Variants in EPHX1 observed in about 807,000 individuals in gnomAD.
The protein encoded by EPHX1 is epoxide hydratase.
In EPHX1, 40 loss-of-function variants were observed where a neutral mutation model predicts 43.2. The ratio of observed to expected loss-of-function variants is 0.93; its 90% CI spans 0.72 to 1.21. The LOEUF is 1.21. Ranked by LOEUF, EPHX1 falls within the 50% of genes most tolerant of loss-of-function variation. The pLI is 0.00. For synonymous variants in EPHX1, 221 were observed against 226.7 expected (o/e 0.98, Z 0.22); for missense variants, 550 against 570.4 (o/e 0.96, Z 0.36).
intron 2 of EPHX1, among the ~76,000 whole-genome samples, chr1:225,829,205 C>A (rs549567194): frequency 6.6e-6 from 1 of 152,254 alleles, no homozygotes; most frequent in African/African-American, 2.4e-5. Context: ...GCTGTCATCA[C>A]CTCCTCTATG....
intron 3 of EPHX1, among the ~76,000 whole-genome samples, chr1:225,832,513 C>T (rs1667669537): frequency 6.6e-6 from 1 of 152,242 alleles, no homozygotes; most frequent in Non-Finnish European, 1.5e-5. Context: ...CCAGCCTGGG[C>T]TCCATCTCAA....
intron 1 of EPHX1, among the ~76,000 whole-genome samples, chr1:225,827,484 T>C (rs142596911): frequency 1.3e-5 from 2 of 152,318 alleles, no homozygotes; most frequent in East Asian, 1.9e-4. Context: ...ATCTGCCTGA[T>C]AGTGCTTTGC....
chr1:225,833,792 C>CT (rs1345549518), intron 3 of EPHX1, among the ~76,000 whole-genome samples: 1 of 106,236 alleles, frequency 9.4e-6, no homozygotes, highest in East Asian at 2.9e-4. Flanking sequence ...GAGACTCTGT[C>CT]TTTAAAAAAA....
Position 225,828,909 on chromosome 1 carries a change from C to T in EPHX1, c.180C>T (p.Ile60=). 1 of 1,568,804 alleles carries T rather than the reference C, an allele frequency of 6.4e-7. No individual in the cohort carries two copies. Among genetic ancestry groups the T allele is most frequent in the Non-Finnish European group, 8.7e-7 (1 of 1,155,082 alleles). The change falls in exon 2 of 9, where the codon ATC becomes ATT. Residue 60 remains isoleucine (I), a synonymous_variant. Transcript: ENST00000272167. ...AGGTGGAAACGTCAGATGAGGAGAT[C>T]CACGTAAGGCACCTTGGGCCGGGCC... is the stretch of plus-strand genomic sequence containing the variant. ...PFKVETSDEE[I]HDLHQRIDKF... is the part of the protein sequence containing the mutation.
chr1:225,842,070 G>A (rs548165670), intron 6 of EPHX1, among the ~76,000 whole-genome samples: 26 of 152,374 alleles, frequency 1.7e-4, no homozygotes, highest in African/African-American at 5.5e-4. Flanking sequence ...TTCTCATTGG[G>A]ACCCCACCAA....
intron 3 of EPHX1, among the ~76,000 whole-genome samples, chr1:225,838,167 A>C (rs1301014531): frequency 6.6e-6 from 1 of 152,246 alleles, no homozygotes; most frequent in Non-Finnish European, 1.5e-5. Context: ...TTCTATGTTA[A>C]ATAAATATAC....
intron 1 of EPHX1, among the ~76,000 whole-genome samples, chr1:225,820,680 C>T (rs1240960697): frequency 6.6e-6 from 1 of 152,080 alleles, no homozygotes; most frequent in East Asian, 1.9e-4. Flanking sequence ...GGATTATTCC[C>T]ATTCCACCAT....
chr1:225,842,927 T>C (rs1668551501), intron 7 of EPHX1, among the ~76,000 whole-genome samples: 1 of 152,234 alleles, frequency 6.6e-6, no homozygotes, highest in African/African-American at 2.4e-5. Context: ...TCTACATGCC[T>C]GACTCCCAGC....
At position 225,838,944 on chromosome 1, in the gene EPHX1, C is replaced by T. The variant is rs4149224; in HGVS notation, c.592+63C>T. ...TCGCCAAGGGTGGGCCCGGTGTTCCCACCAGGCTCTCCTTCCGGCGGGGTG... is the reference window on the plus strand; with the variant it reads ...TCGCCAAGGGTGGGCCCGGTGTTCCTACCAGGCTCTCCTTCCGGCGGGGTG... On this transcript the variant is annotated intron_variant, in intron 4 of 8. Transcript: ENST00000272167. The T allele has an allele frequency of 5.3e-4, 829 of 1,562,506 alleles. 11 individuals carry two copies. In the East Asian group the frequency reaches 0.017, roughly 33 times the overall value.
intron 3 of EPHX1, among the ~76,000 whole-genome samples, chr1:225,835,715 T>G (rs1390427841): frequency 6.6e-6 from 1 of 151,354 alleles, no homozygotes; most frequent in African/African-American, 2.4e-5. Flanking sequence ...TTTTTTTTTT[T>G]TTTTACATTT....
intron 4 of EPHX1, 127 bp from the exon 5 acceptor site, chr1:225,839,090 C>T: frequency 6.7e-7 from 1 of 1,500,924 alleles, no homozygotes; most frequent in Non-Finnish European, 9.1e-7. Context: ...TCCTTCTTGC[C>T]TCTGTGAGCT....
chr1:225,839,106 G>T, intron 4 of EPHX1, 111 bp from the exon 5 acceptor site: 1 of 1,557,536 alleles, frequency 6.4e-7, no homozygotes, highest in Non-Finnish European at 8.7e-7. Context: ...GAGCTTTTCT[G>T]ACCTCCACCT....
At chr1:225,842,324 C>A in intron 6 of EPHX1, 42 bp from the exon 7 acceptor site, 2 of 1,426,226 alleles carry the variant, frequency 1.4e-6, no homozygotes, top group South Asian at 1.1e-5. Context: ...GCTCTCTGGT[C>A]CCCAGGCCTG....
chr1:225,821,010 G>A lies in EPHX1; in HGVS notation c.-5-7715G>A, dbSNP rs183402075. ...ATGTTTATACTTGCTTTTCCAAGGC[G>A]CCAATCCAAATCTCTTATTTACTTT... On this transcript the variant is annotated intron_variant, in intron 1 of 8. Transcript: ENST00000272167. Among the ~76,000 whole-genome samples, 212 of 152,036 alleles carry A rather than the reference G, an allele frequency of 1.4e-3. 1 individual carries two copies. The highest frequency in any genetic ancestry group is 3.4e-3 in the Middle Eastern group (1 of 294).
At chr1:225,819,485 C>G (rs188986550) in intron 1 of EPHX1, among the ~76,000 whole-genome samples, 1 of 151,948 alleles carries the variant, frequency 6.6e-6, no homozygotes, top group African/African-American at 2.4e-5. Context: ...GTGAGTGGAC[C>G]GGGCAGGGTA....
intron 1 of EPHX1, among the ~76,000 whole-genome samples, chr1:225,811,390 A>G (rs955988747): frequency 6.6e-6 from 1 of 152,106 alleles, no homozygotes; most frequent in Non-Finnish European, 1.5e-5. Context: ...ATCCGCCCCT[A>G]CAGGCAACAC....
rs892304180 is a variant in EPHX1 at position 225,817,936 on chromosome 1, A to C, written c.-6+7767A>C. Among the ~76,000 whole-genome samples, 8 of 151,938 alleles carry C rather than the reference A, an allele frequency of 5.3e-5. No homozygotes were observed. The highest frequency in any genetic ancestry group is 1.0e-4 in the Non-Finnish European group (7 of 67,992). ...CTGCTTGCTTGGGTTGGGGGAGGGG[A>C]GTCTTTGGGCAGGCGGTAGACCTGC... is the stretch of plus-strand genomic sequence containing the variant. On this transcript the variant is annotated intron_variant, in intron 1 of 8. Transcript: ENST00000272167. This position sits in a 1 kb window ranked among gnomAD's most constrained non-coding sequence, Gnocchi z 5.7.
Position 225,842,401 on chromosome 1 carries a change from G to A in EPHX1, c.967G>A (p.Ala323Thr), listed in dbSNP as rs1177947193. Residue 323 changes from alanine (A) to threonine (T), a missense_variant, in exon 7 of 9, where the codon GCC becomes ACC. By Grantham distance (58) the Ala-to-Thr change is moderately conservative. Coordinates refer to ENST00000272167, the MANE Select transcript of EPHX1 (RefSeq NM_001136018.4). ...GAATGACTCTCCTGTGGGTCTGGCTGCCTATATTCTAGAGAAGTTTTCCAC... is the reference window on the plus strand; with the variant it reads ...GAATGACTCTCCTGTGGGTCTGGCTACCTATATTCTAGAGAAGTTTTCCAC... ...ALNDSPVGLA[A>T]YILEKFSTWT... 2 of 1,613,984 alleles carry A rather than the reference G, an allele frequency of 1.2e-6. No homozygotes were observed. The highest frequency in any genetic ancestry group is 3.3e-5 in the Admixed American group (2 of 60,010).
At chr1:225,839,525 A>C (rs1233489353) in intron 5 of EPHX1, among the ~76,000 whole-genome samples, 179 bp downstream of exon 5, 1 of 152,046 alleles carries the variant, frequency 6.6e-6, no homozygotes, top group Non-Finnish European at 1.5e-5. Flanking sequence ...TCTGTAACCC[A>C]GGGTTGCGGC....
Sources: allele counts gnomAD v4.1 joint callset (sites outside exome capture counted in the v4.1 genomes callset), GRCh38; gene constraint gnomAD v4.1.1; non-coding constraint Gnocchi (gnomAD v3.1); transcripts MANE v1.5; gene names NCBI Gene and HGNC (gene_info 2026-07-23, HGNC 2026-07-21).